Variants in UPF1 observed in about 807,000 individuals in gnomAD.
UPF1 encodes regulator of nonsense transcripts 1.
Under a neutral mutation model 129.2 loss-of-function variants are expected in UPF1, and 9 were observed. The observed-to-expected ratio is 0.07, with a 90% CI of 0.04 to 0.12. UPF1 has a LOEUF of 0.12. UPF1 is among the 10% of genes least tolerant of loss of function. The pLI is 1.00. For synonymous variants in UPF1, 649 were observed against 644.9 expected, an observed-to-expected ratio of 1.01 and a Z score of -0.10; for missense variants, 788 against 1,525.3, an observed-to-expected ratio of 0.52 and a Z score of 8.05.
chr19:18,857,112 C>T (rs1352911990), intron 14 of UPF1, 92 bp downstream of exon 14: 29 of 1,542,778 alleles, frequency 1.9e-5, no homozygotes, highest in Non-Finnish European at 2.4e-5. Context: ...ACGTAGGATG[C>T]CCAGCAGAGT....
chr19:18,834,523 A>G (rs951107432), intron 1 of UPF1, among the ~76,000 whole-genome samples: 3 of 152,138 alleles, frequency 2.0e-5, no homozygotes, highest in Admixed American at 1.3e-4. Context: ...CCTGGAGGTA[A>G]ACATTGCAGT....
intron 2 of UPF1, 72 bp downstream of exon 2, chr19:18,846,191 C>T: frequency 6.3e-7 from 1 of 1,589,074 alleles, no homozygotes; most frequent in Non-Finnish European, 8.6e-7. Flanking sequence ...CTGGGACACT[C>T]ACCTCCCAGG....
intron 1 of UPF1, among the ~76,000 whole-genome samples, chr19:18,841,338 T>G (rs1447731495): frequency 2.0e-5 from 3 of 152,240 alleles, no homozygotes; most frequent in African/African-American, 7.2e-5. Flanking sequence ...TTGGCGATAC[T>G]CAGCCATTTT....
chr19:18,849,905 G>A, intron 3 of UPF1, 170 bp from the exon 4 acceptor site: 1 of 729,224 alleles, frequency 1.4e-6, no homozygotes, highest in Non-Finnish European at 2.2e-6. Flanking sequence ...TGCTCAGTGG[G>A]GAGCTAGTTT....
At chr19:18,860,727 C>CT in intron 16 of UPF1, 99 bp from the exon 17 acceptor site, 1 of 1,509,178 alleles carries the variant, frequency 6.6e-7, no homozygotes, top group Non-Finnish European at 8.9e-7. Context: ...TGGCAGCTGC[C>CT]TTCCCGCAGG....
rs1477463974 is a variant in UPF1, at chr19:18,868,101, C to CT, written c.*1585dup. ...CGCTTTGCCTCTGCTTCGCCCTGTG[C>CT]TGTGTTCTCCAGCTTTGTAGCAGCA... On this transcript the variant is annotated 3_prime_UTR_variant, in exon 24 of 24. Coordinates refer to ENST00000262803, the MANE Select transcript of UPF1 (RefSeq NM_002911.4). 1 of 178,128 alleles carries CT rather than the reference C, an allele frequency of 5.6e-6. No homozygotes were observed. Among genetic ancestry groups the CT allele is most frequent in the East Asian group, 1.5e-4 (1 of 6,766 alleles). 11.0% of individuals were successfully genotyped at this position (178,128 alleles called of 1,614,324 possible). A position where few individuals can be genotyped will look rare whatever the true frequency, so the allele number is the denominator to read the frequency against.
At chr19:18,861,160 G>A (rs1265083103) in intron 17 of UPF1, among the ~76,000 whole-genome samples, 178 bp downstream of exon 17, 3 of 152,218 alleles carry the variant, frequency 2.0e-5, no homozygotes, top group South Asian at 4.1e-4. Context: ...CAGACCCTGC[G>A]AAATTCCACA....
In UPF1 at chr19:18,867,000, G is replaced by A. The variant is rs927079603; in HGVS notation, c.*483G>A. 34 of 152,646 alleles carry A rather than the reference G, an allele frequency of 2.2e-4. No individual in the cohort carries two copies. Among genetic ancestry groups the A allele is most frequent in the Admixed American group, 1.3e-4 (2 of 15,294 alleles). The allele number at this position is 152,646 out of a possible 1,614,324, so 9.5% of individuals were successfully genotyped here. Reference sequence around the variant, plus strand: ...TCTGTCCACGCCTACCGGACGCGCCGAGGTCGCGCTGCCTGTGTTCTCCGA... The same window carrying A: ...TCTGTCCACGCCTACCGGACGCGCCAAGGTCGCGCTGCCTGTGTTCTCCGA... On this transcript the variant is annotated 3_prime_UTR_variant, in exon 24 of 24. Coordinates refer to ENST00000262803, the MANE Select transcript of UPF1 (RefSeq NM_002911.4).
chr19:18,843,717 T>TTGTGTGTGTGTG (rs72080135), intron 1 of UPF1, among the ~76,000 whole-genome samples: 11 of 143,994 alleles, frequency 7.6e-5, no homozygotes, highest in Non-Finnish European at 1.1e-4. Flanking sequence ...TTGGCCAGGC[T>TTGTGTGTGTGTG]TGTGTGTGTG....
Position 18,866,972 on chromosome 19 carries a change from G to GC in UPF1, c.*456dup, listed in dbSNP as rs1364259813. 1 of 152,624 alleles carries GC rather than the reference G, an allele frequency of 6.6e-6. No individual in the cohort carries two copies. The highest frequency in any genetic ancestry group is 2.4e-5 in the African/African-American group (1 of 41,478). The allele number at this position is 152,624 out of a possible 1,614,324, so 9.5% of individuals were successfully genotyped here. ...GTGCGGGGCAGAGCCCCGGGAGGGC[G>GC]CGTCTGTCCACGCCTACCGGACGCG... is the stretch of plus-strand genomic sequence containing the variant. On this transcript the variant is annotated 3_prime_UTR_variant, in exon 24 of 24. Coordinates refer to ENST00000262803, the MANE Select transcript of UPF1 (RefSeq NM_002911.4).
chr19:18,834,139 G>C (rs2055458467), intron 1 of UPF1, among the ~76,000 whole-genome samples: 1 of 152,140 alleles, frequency 6.6e-6, no homozygotes, highest in South Asian at 2.1e-4. Context: ...GTGGCAGTTA[G>C]ATTTTTATTC....
At chr19:18,833,568 G>C (rs193005899) in intron 1 of UPF1, among the ~76,000 whole-genome samples, 2 of 152,146 alleles carry the variant, frequency 1.3e-5, no homozygotes, top group East Asian at 1.9e-4. Flanking sequence ...AGAGGGGCTG[G>C]GGGGGTGGCG....
At position 18,854,918 on chromosome 19, in the gene UPF1, C is replaced by T. The variant is rs2055699430; in HGVS notation, c.1305C>T (p.Thr435=). The stretch of plus-strand genomic sequence containing the variant: ...TGAAAACGTTTGCCGTGGATGAGAC[C>T]TCGGTGTCTGGCTACATCTACCACA... The part of the protein sequence containing the change: ...SALKTFAVDE[T]SVSGYIYHKL... The change falls in exon 10 of 24, where the codon ACC becomes ACT. Residue 435 remains threonine (T), a synonymous_variant. Coordinates refer to ENST00000262803, the MANE Select transcript of UPF1 (RefSeq NM_002911.4). The T allele has an allele frequency of 3.1e-6, 5 of 1,614,256 alleles. No homozygotes were observed. Among genetic ancestry groups the T allele is most frequent in the Non-Finnish European group, 3.4e-6 (4 of 1,180,058 alleles).
At chr19:18,852,803 T>C (rs1334667472) in intron 6 of UPF1, among the ~76,000 whole-genome samples, 184 bp from the exon 7 acceptor site, 4 of 152,114 alleles carry the variant, frequency 2.6e-5, no homozygotes, top group East Asian at 1.9e-4. Context: ...TTCCGGGGAC[T>C]CCTAATGGCT....
At chr19:18,856,493 G>A (rs533295495) in intron 13 of UPF1, among the ~76,000 whole-genome samples, 193 bp downstream of exon 13, 2 of 152,292 alleles carry the variant, frequency 1.3e-5, no homozygotes, top group South Asian at 2.1e-4. Context: ...GTCTTCTAGG[G>A]AGTCTCCACT....
intron 1 of UPF1, among the ~76,000 whole-genome samples, chr19:18,844,936 G>C (rs1299891714): frequency 6.6e-6 from 1 of 152,386 alleles, no homozygotes; most frequent in East Asian, 1.9e-4. Context: ...TCACTGCAGG[G>C]CAGCATTGGG....
intron 1 of UPF1, among the ~76,000 whole-genome samples, chr19:18,840,814 C>T (rs2055533208): frequency 1.3e-5 from 2 of 152,198 alleles, no homozygotes; most frequent in African/African-American, 4.8e-5. Context: ...GGTCCTTGTG[C>T]CTTTTTCTGT....
At position 18,846,296 on chromosome 19, in the gene UPF1, C is replaced by T. The variant is rs78279682; in HGVS notation, c.371+177C>T. ...CATGTGCACAGCCAAGGCCTGTTAC[C>T]GGTCAGGAGGTGGGCTCAGCAACCT... On this transcript the variant is annotated intron_variant, in intron 2 of 23. Coordinates refer to ENST00000262803, the MANE Select transcript of UPF1 (RefSeq NM_002911.4). Among the ~76,000 whole-genome samples the T allele has an allele frequency of 5.5e-3, 832 of 152,276 alleles. 12 individuals carry two copies. Among genetic ancestry groups the T allele is most frequent in the African/African-American group, 0.019 (773 of 41,546 alleles).
chr19:18,852,051 C>T (rs1428418615), intron 5 of UPF1, 84 bp from the exon 6 acceptor site: 3 of 1,462,076 alleles, frequency 2.1e-6, no homozygotes, highest in African/African-American at 1.4e-5. Context: ...ATGTGTGCTC[C>T]ATCCCTCTGG....
Sources: allele counts gnomAD v4.1 joint callset (sites outside exome capture counted in the v4.1 genomes callset), GRCh38; gene constraint gnomAD v4.1.1; transcripts MANE v1.5; gene names NCBI Gene and HGNC (gene_info 2026-07-23, HGNC 2026-07-21).